ROBO2: variants seen among roughly 807,000 people sequenced by gnomAD.
The protein encoded by ROBO2 is roundabout guidance receptor 2.
ROBO2 carries 53 observed loss-of-function variants against 160.8 expected under a neutral mutation model. That is an observed-to-expected ratio of 0.33 (90% CI 0.26 to 0.41). The LOEUF (loss-of-function observed/expected upper bound fraction) is 0.41, where lower values mean the gene tolerates loss of function less well. Among genes scored for constraint, ROBO2 ranks in the 10% least tolerant of loss-of-function variants. ROBO2 has a pLI of 1.00. For synonymous variants in ROBO2, 664 were observed against 611.7 expected (o/e 1.09, Z -1.26); for missense variants, 1,577 against 1,722.4 (o/e 0.92, Z 1.49).
intron 6 of ROBO2, among the ~76,000 whole-genome samples, chr3:77,523,577 ATTACTTAAC>A (rs1490387074): frequency 6.6e-6 from 1 of 151,398 alleles, no homozygotes; most frequent in Non-Finnish European, 1.5e-5. Context: ...GAAAGAAAGC[ATTACTTAAC>A]TTCACAGTGC....
At chr3:76,121,629 A>C (rs1026418717) in intron 2 of ROBO2, among the ~76,000 whole-genome samples, 7 of 152,128 alleles carry the variant, frequency 4.6e-5, no homozygotes, top group Non-Finnish European at 8.8e-5. Context: ...TTTCATTGAC[A>C]ATTGAGTATG....
intron 2 of ROBO2, among the ~76,000 whole-genome samples, chr3:76,642,586 A>G (rs1177925257): frequency 2.0e-5 from 3 of 151,864 alleles, no homozygotes; most frequent in Non-Finnish European, 4.4e-5. Flanking sequence ...TCCTGACCTC[A>G]GGTGATCTGC....
chr3:76,953,858 A>G (rs1376762609), intron 2 of ROBO2, among the ~76,000 whole-genome samples: 3 of 152,094 alleles, frequency 2.0e-5, no homozygotes, highest in Non-Finnish European at 2.9e-5. Flanking sequence ...ACACAGGTGC[A>G]CGTGTTACCA....
At chr3:76,294,327 A>G (rs1233302591) in intron 2 of ROBO2, among the ~76,000 whole-genome samples, 3 of 152,022 alleles carry the variant, frequency 2.0e-5, no homozygotes, top group Non-Finnish European at 4.4e-5. Context: ...GCTCCGGCCT[A>G]TTCTCAGCTC....
At chr3:75,925,739 TTAAAGG>T (rs1198625153) in intron 1 of ROBO2, among the ~76,000 whole-genome samples, 3 of 152,178 alleles carry the variant, frequency 2.0e-5, no homozygotes, top group African/African-American at 7.2e-5. Flanking sequence ...GGACATTATG[TTAAAGG>T]TAAGGCAGCC....
intron 2 of ROBO2, among the ~76,000 whole-genome samples, chr3:76,049,583 C>T (rs1485259790): frequency 2.0e-5 from 3 of 151,202 alleles, no homozygotes; most frequent in Admixed American, 2.0e-4. Context: ...AATATTCCAA[C>T]AAGGACAAAA....
chr3:76,441,131 T>G lies in ROBO2; in HGVS notation c.109+503529T>G, dbSNP rs113408858. 4.9e-4 allele frequency among the ~76,000 whole-genome samples: 74 copies of G among 152,308 alleles called. 1 individual carries two copies. The highest frequency in any genetic ancestry group is 1.5e-3 in the African/African-American group (61 of 41,582). On this transcript the variant is annotated intron_variant, in intron 2 of 26. Coordinates refer to the ROBO2 transcript ENST00000487694. ...AAAAAAAAAGTCAACCAAGATCCCC[T>G]TGTCCTGCCAGAACTACAAATTATG...
intron 2 of ROBO2, among the ~76,000 whole-genome samples, chr3:76,082,880 A>G (rs1400128527): frequency 2.0e-5 from 3 of 151,934 alleles, no homozygotes; most frequent in African/African-American, 7.2e-5. Context: ...ATTTTTTTTC[A>G]AAATGTGAGC....
rs117155548 is a variant in ROBO2 at position 77,303,697 on chromosome 3, A to G, written c.389-173717A>G. On this transcript the variant is annotated intron_variant, in intron 2 of 25. Transcript: ENST00000461745. ...GTTAATTAATCCAATTGTATTCATCATTACACAATGTGTGTGTATATATAT... is the reference window on the plus strand; with the variant it reads ...GTTAATTAATCCAATTGTATTCATCGTTACACAATGTGTGTGTATATATAT... 1.6e-3 allele frequency among the ~76,000 whole-genome samples: 237 copies of G among 152,182 alleles called. 4 individuals carry two copies. The East Asian group carries it at 0.041, about 26-fold the overall frequency.
intron 2 of ROBO2, among the ~76,000 whole-genome samples, chr3:76,281,722 C>T (rs1708242247): frequency 6.6e-6 from 1 of 151,932 alleles, no homozygotes; most frequent in African/African-American, 2.4e-5. Flanking sequence ...GCAAAATTTT[C>T]CTGAAGAAGT....
intron 1 of ROBO2, among the ~76,000 whole-genome samples, chr3:77,079,576 T>A (rs1162747022): frequency 6.6e-6 from 1 of 152,262 alleles, no homozygotes; most frequent in African/African-American, 2.4e-5. Flanking sequence ...CGTAAGTTAA[T>A]GAAAGCAACC....
At chr3:76,041,181 T>C (rs1469221723) in intron 2 of ROBO2, among the ~76,000 whole-genome samples, 1 of 152,058 alleles carries the variant, frequency 6.6e-6, no homozygotes, top group Non-Finnish European at 1.5e-5. Context: ...ATGAAAGCAA[T>C]GACTATCTGG....
intron 2 of ROBO2, among the ~76,000 whole-genome samples, chr3:76,724,472 T>C (rs1207305730): frequency 6.6e-6 from 1 of 152,170 alleles, no homozygotes; most frequent in Admixed American, 6.6e-5. Context: ...CCTACACCAT[T>C]TAATACACTG....
intron 2 of ROBO2, among the ~76,000 whole-genome samples, chr3:77,322,314 A>G (rs2064800644): frequency 6.6e-6 from 1 of 152,158 alleles, no homozygotes; most frequent in African/African-American, 2.4e-5. Context: ...CTGGAAAAAA[A>G]TCTATAATGA....
At chr3:77,382,446 C>T (rs1033953127) in intron 2 of ROBO2, among the ~76,000 whole-genome samples, 1 of 149,530 alleles carries the variant, frequency 6.7e-6, no homozygotes, top group Non-Finnish European at 1.5e-5. Context: ...TTTTGGGGTA[C>T]AAGTTGTTTT....
At chr3:76,215,998 T>C (rs1004710016) in intron 2 of ROBO2, among the ~76,000 whole-genome samples, 1 of 151,788 alleles carries the variant, frequency 6.6e-6, no homozygotes, top group Non-Finnish European at 1.5e-5. Flanking sequence ...AGAGTGGGGG[T>C]CAATATTCAA....
rs761412146 is a variant in ROBO2, at chr3:77,644,695, C to G, written c.3935-9C>G. On this transcript the variant is annotated splice_polypyrimidine_tract_variant and intron_variant, in intron 24 of 25. Coordinates refer to ENST00000461745, the Ensembl canonical transcript of ROBO2. ...TCAATTTAGCCTTTGGGTTTTTTTT[C>G]TTTTTCAGAGGAGGCCTTGGTGCCC... The G allele has an allele frequency of 3.1e-6, 5 of 1,612,418 alleles. No individual in the cohort carries two copies. In the South Asian group the frequency reaches 5.5e-5, roughly 18 times the overall value.
intron 2 of ROBO2, among the ~76,000 whole-genome samples, chr3:76,077,246 T>TA (rs2068672412): frequency 6.6e-6 from 1 of 152,194 alleles, no homozygotes; most frequent in African/African-American, 2.4e-5. Context: ...TTGGAAATCT[T>TA]ACATAAATTT....
intron 5 of ROBO2, among the ~76,000 whole-genome samples, chr3:77,508,309 T>C (rs1039975353): frequency 8.8e-5 from 13 of 148,244 alleles, no homozygotes; most frequent in Admixed American, 2.0e-4. Context: ...AAATATATAG[T>C]AAAATCTTGA....
Sources: gnomAD v4.1 joint callset for allele counts (sites outside exome capture counted in the v4.1 genomes callset) on GRCh38, gnomAD v4.1.1 for gene constraint, MANE v1.5 for transcripts, NCBI Gene and HGNC (gene_info 2026-07-23, HGNC 2026-07-21) for gene names.